CFAP210: variants seen among roughly 807,000 people sequenced by gnomAD.
CFAP210 encodes the protein cilia and flagella associated protein 210.
At chr2:169,656,496 G>A in the CFAP210 span, among the ~76,000 whole-genome samples, 1 of 128,606 alleles carries the variant, frequency 7.8e-6, no homozygotes, top group Non-Finnish European at 1.8e-5. Flanking sequence ...AGAAGGAGGT[G>A]CGGGAGGAGG....
the CFAP210 span, among the ~76,000 whole-genome samples, chr2:169,653,826 A>G: frequency 6.6e-6 from 1 of 152,120 alleles, no homozygotes; most frequent in South Asian, 2.1e-4. Flanking sequence ...GACAACTCCA[A>G]CTACCACTTA....
the CFAP210 span, chr2:169,694,392 G>C: frequency 1.2e-5 from 18 of 1,509,706 alleles, no homozygotes; most frequent in African/African-American, 2.7e-5. Flanking sequence ...CGGTGGAGTT[G>C]TTACTCGTAC....
chr2:169,651,826 C>T, the CFAP210 span, among the ~76,000 whole-genome samples: 5 of 151,642 alleles, frequency 3.3e-5, no homozygotes, highest in African/African-American at 1.2e-4. Flanking sequence ...ATTCACAGCA[C>T]TTTTTTAACT....
At chr2:169,645,892 TC>T in the CFAP210 span, 18 of 1,613,706 alleles carry the variant, frequency 1.1e-5, no homozygotes, top group Non-Finnish European at 1.4e-5. Context: ...TATATTTTGG[TC>T]CCTGAGAGTT....
At chr2:169,678,309 C>G in the CFAP210 span, among the ~76,000 whole-genome samples, 1 of 138,468 alleles carries the variant, frequency 7.2e-6, no homozygotes, top group South Asian at 2.3e-4. Flanking sequence ...CCATTATACT[C>G]CAGCCTGGGC....
the CFAP210 span, among the ~76,000 whole-genome samples, chr2:169,673,519 A>C: frequency 6.6e-6 from 1 of 152,176 alleles, no homozygotes; most frequent in South Asian, 2.1e-4. Context: ...AAAATACACA[A>C]TTTGGTAATA....
chr2:169,652,461 G>A, the CFAP210 span, among the ~76,000 whole-genome samples: 1 of 152,096 alleles, frequency 6.6e-6, no homozygotes, highest in Non-Finnish European at 1.5e-5. Context: ...TAGAAGTTGG[G>A]CATGGTGGTG....
the CFAP210 span, among the ~76,000 whole-genome samples, chr2:169,691,394 G>C: frequency 1.5e-3 from 228 of 152,092 alleles, 1 homozygote; most frequent in African/African-American, 5.1e-3. Context: ...ATTTACAAAA[G>C]TTTGTATCTA....
At chr2:169,652,811 C>T in the CFAP210 span, among the ~76,000 whole-genome samples, 15 of 148,636 alleles carry the variant, frequency 1.0e-4, no homozygotes, top group African/African-American at 3.5e-4. Flanking sequence ...CTGGCTAACA[C>T]GGTGAAACCC....
chr2:169,650,516 A>C, the CFAP210 span: 2 of 1,558,312 alleles, frequency 1.3e-6, no homozygotes, highest in Non-Finnish European at 1.7e-6. Context: ...TCGTTTCTCC[A>C]TAAGCCTATA....
the CFAP210 span, chr2:169,658,304 T>C: frequency 6.6e-6 from 1 of 152,614 alleles, no homozygotes; most frequent in East Asian, 1.9e-4. Flanking sequence ...TTTCATTTTG[T>C]GGCAGCACAT....
At chr2:169,649,435 G>A in the CFAP210 span, 1 of 1,218,908 alleles carries the variant, frequency 8.2e-7, no homozygotes, top group South Asian at 1.4e-5. Context: ...AGTTGAAGCA[G>A]AGGAGAGTCA....
At chr2:169,653,491 C>T in the CFAP210 span, among the ~76,000 whole-genome samples, 1 of 152,018 alleles carries the variant, frequency 6.6e-6, no homozygotes, top group African/African-American at 2.4e-5. Context: ...TAGACAGAAA[C>T]CCCCTGTACT....
chr2:169,649,394 C>T, the CFAP210 span: 7 of 1,529,226 alleles, frequency 4.6e-6, no homozygotes, highest in Admixed American at 1.8e-5. Flanking sequence ...TTATAGCAAC[C>T]AGTCTTGTCT....
chr2:169,659,261 G>A, the CFAP210 span: 1 of 152,252 alleles, frequency 6.6e-6, no homozygotes, highest in South Asian at 2.1e-4. Flanking sequence ...CTTAATCATA[G>A]AGTCTTATGA....
chr2:169,656,371 A>AG, the CFAP210 span, among the ~76,000 whole-genome samples: 2 of 53,798 alleles, frequency 3.7e-5, no homozygotes, highest in African/African-American at 7.4e-5. Flanking sequence ...AGGAAGAAGA[A>AG]AGAGGAAAGA....
the CFAP210 span, among the ~76,000 whole-genome samples, chr2:169,688,168 AG>A: frequency 6.6e-6 from 1 of 152,196 alleles, no homozygotes; most frequent in Non-Finnish European, 1.5e-5. Flanking sequence ...GGCCTGTGAC[AG>A]GAGGGGCTGC....
At chr2:169,666,067 T>C in the CFAP210 span, among the ~76,000 whole-genome samples, 1 of 152,064 alleles carries the variant, frequency 6.6e-6, no homozygotes, top group Admixed American at 6.5e-5. Context: ...CTAGGCATCA[T>C]CACCTGGCTA....
the CFAP210 span, chr2:169,675,138 A>G: frequency 3.3e-6 from 3 of 896,476 alleles, no homozygotes; most frequent in African/African-American, 5.4e-5. Flanking sequence ...TTATGTTTTT[A>G]TTGTATTTGT....
Sources: allele counts gnomAD v4.1 joint callset (sites outside exome capture counted in the v4.1 genomes callset), GRCh38; gene constraint gnomAD v4.1.1; transcripts MANE v1.5; gene names NCBI Gene and HGNC (gene_info 2026-07-23, HGNC 2026-07-21).